The following GSDMA variants were observed in gnomAD, a reference collection of about 807,000 sequenced individuals.
GSDMA encodes the protein gasdermin A, also known as gasdermin-A.
A neutral mutation model predicts 54.3 loss-of-function variants in GSDMA; 55 were observed. The observed-to-expected ratio is 1.01, with a 90% CI of 0.82 to 1.27. GSDMA has a LOEUF of 1.27. Ranked by LOEUF, GSDMA falls within the 50% of genes most tolerant of loss-of-function variation. GSDMA has a pLI of 0.00. For synonymous variants in GSDMA, 211 were observed against 224.7 expected (o/e 0.94, Z 0.54); for missense variants, 542 against 542.6 (o/e 1.00, Z 0.01).
chr17:39,967,196 T>TA (rs1161314085), intron 3 of GSDMA, among the ~76,000 whole-genome samples: 2 of 152,224 alleles, frequency 1.3e-5, no homozygotes, highest in Non-Finnish European at 2.9e-5. Flanking sequence ...GTGAAAATTT[T>TA]AAAAACCTGT....
chr17:39,966,466 C>T (rs371854893), intron 3 of GSDMA, 29 bp downstream of exon 3: 200 of 1,560,726 alleles, frequency 1.3e-4, no homozygotes, highest in Admixed American at 7.0e-4. Flanking sequence ...GAGGGTCTCC[C>T]GGGATGTGGG....
Position 39,971,170 on chromosome 17 carries a change from T to C in GSDMA, c.559-354T>C, listed in dbSNP as rs1598305104. 2.0e-5 allele frequency among the ~76,000 whole-genome samples: 3 copies of C among 152,188 alleles called. No homozygotes were observed. In the East Asian group the frequency reaches 5.8e-4, roughly 29 times the overall value. ...CTGAAAGAGGTAAGCATGGGACAGA[T>C]GGTGAAGAGGAAGAAGGAGCCAGGG... On this transcript the variant is annotated intron_variant, in intron 4 of 11. Coordinates refer to ENST00000301659, the MANE Select transcript of GSDMA (RefSeq NM_178171.5).
At chr17:39,972,100 T>TGGGCC in intron 5 of GSDMA, 29 bp from the exon 6 acceptor site, 37 of 834,862 alleles carry the variant, frequency 4.4e-5, no homozygotes, top group East Asian at 1.0e-4. Context: ...CTAAGTGTCC[T>TGGGCC]CCCACCCTCC....
At chr17:39,971,251 G>C (rs1979924113) in intron 4 of GSDMA, among the ~76,000 whole-genome samples, 1 of 152,114 alleles carries the variant, frequency 6.6e-6, no homozygotes, top group Non-Finnish European at 1.5e-5. Flanking sequence ...GGTCTGCCCA[G>C]TTCCCTTCAT....
intron 7 of GSDMA, 32 bp from the exon 8 acceptor site, chr17:39,973,778 T>A (rs1212358235): frequency 1.3e-6 from 2 of 1,597,824 alleles, no homozygotes; most frequent in South Asian, 2.2e-5. Flanking sequence ...AAGGATTGCA[T>A]TCTTATCTTT....
intron 3 of GSDMA, among the ~76,000 whole-genome samples, chr17:39,968,337 G>GTTTTTT (rs1258985091): frequency 3.3e-5 from 2 of 59,838 alleles, no homozygotes; most frequent in African/African-American, 2.9e-4. Flanking sequence ...ACTGAGCCCG[G>GTTTTTT]TCTTTTTTTT....
In GSDMA at chr17:39,965,737, C is replaced by T; in HGVS notation, c.50C>T (p.Pro17Leu). The stretch of plus-strand genomic sequence containing the variant: ...CGGGCCCTGGCCAGACAGCTAAACC[C>T]TCGAGGGGACCTGACACCACTTGAC... Reference protein sequence around the residue: ...VTRALARQLNPRGDLTPLDSL... With the variant: ...VTRALARQLNLRGDLTPLDSL... Residue 17 changes from proline (P) to leucine (L), a missense_variant, in exon 2 of 12, where the codon CCT (proline) becomes CTT (leucine). Pro to Leu is a moderately conservative substitution (Grantham distance 98, BLOSUM62 -3). Transcript: ENST00000301659. The T allele has an allele frequency of 6.2e-7, 1 of 1,611,884 alleles. No homozygotes were observed. The highest frequency in any genetic ancestry group is 8.5e-7 in the Non-Finnish European group (1 of 1,179,060).
chr17:39,970,735 G>A lies in GSDMA; in HGVS notation c.558+88G>A, dbSNP rs556647049. On this transcript the variant is annotated intron_variant, in intron 4 of 11. Transcript: ENST00000301659. ...CATTTACATTCAGCCCCTCCTTGGA[G>A]GCTTCATTAGCTTTGCCTGATCAGC... 3.3e-5 allele frequency: 41 copies of A among 1,241,688 alleles called. No homozygotes were observed. The African/African-American group carries it at 3.7e-4, about 11-fold the overall frequency. 76.9% of individuals were successfully genotyped at this position (1,241,688 alleles called of 1,614,324 possible).
intron 7 of GSDMA, 101 bp from the exon 8 acceptor site, chr17:39,973,709 C>A: frequency 3.2e-6 from 3 of 940,114 alleles, no homozygotes; most frequent in South Asian, 3.1e-5. Flanking sequence ...AGGAGACAGG[C>A]AGGATGTATT....
chr17:39,967,188 GA>G (rs1014354830), intron 3 of GSDMA, among the ~76,000 whole-genome samples: 2 of 152,312 alleles, frequency 1.3e-5, no homozygotes, highest in Middle Eastern at 3.4e-3. Context: ...CTAGGAAGGT[GA>G]AAATTTTAAA....
In GSDMA at chr17:39,977,214, A is replaced by G. The variant is rs1387488653; in HGVS notation, c.*156A>G. The G allele has an allele frequency of 8.8e-6, 7 of 791,710 alleles. No individual in the cohort carries two copies. Among genetic ancestry groups the G allele is most frequent in the Non-Finnish European group, 1.4e-5 (7 of 491,328 alleles). 49.0% of individuals were successfully genotyped at this position (791,710 alleles called of 1,614,324 possible). A position where few individuals can be genotyped will look rare whatever the true frequency, so the allele number is the denominator to read the frequency against. On this transcript the variant is annotated 3_prime_UTR_variant, in exon 12 of 12. Coordinates refer to ENST00000301659, the MANE Select transcript of GSDMA (RefSeq NM_178171.5). ...AACCAACTTCCACCTGCCCAACCAT[A>G]TATCACCCCCTACCCCTCCAGCTCC...
rs115485926 is a variant in GSDMA at position 39,974,636 on chromosome 17, C to T, written c.906+209C>T. On this transcript the variant is annotated intron_variant, in intron 9 of 11. Transcript: ENST00000301659. ...CCTCCCTTTGTCCCCTGGAAAAGGG[C>T]AAACAGTGGGTTCCCCCAAGGCACA... Among the ~76,000 whole-genome samples, 1,072 of 152,322 alleles carry T rather than the reference C, an allele frequency of 7.0e-3. 17 individuals are homozygous for T. The highest frequency in any genetic ancestry group is 0.025 in the African/African-American group (1,037 of 41,568).
chr17:39,977,280 TA>T lies in GSDMA; in HGVS notation c.*223del. 1 of 394,426 alleles carries T rather than the reference TA, an allele frequency of 2.5e-6. No homozygotes were observed. The highest frequency in any genetic ancestry group is 4.2e-5 in the East Asian group (1 of 23,952). The allele number at this position is 394,426 out of a possible 1,614,324, so 24.4% of individuals were successfully genotyped here. A position where few individuals can be genotyped will look rare whatever the true frequency, so the allele number is the denominator to read the frequency against. On this transcript the variant is annotated 3_prime_UTR_variant, in exon 12 of 12. Coordinates refer to ENST00000301659, the MANE Select transcript of GSDMA (RefSeq NM_178171.5). ...CATCTGCTGATGCTTAAATTTTCTTTACTTTTCTTTTCTTTTTTTTTTTTTT... is the reference window on the plus strand; with the variant it reads ...CATCTGCTGATGCTTAAATTTTCTTTCTTTTCTTTTCTTTTTTTTTTTTTT...
rs60315845 is a variant in GSDMA at position 39,968,339 on chromosome 17, C to CTTTTTTT, written c.392+1922_392+1928dup. Among the ~76,000 whole-genome samples the CTTTTTTT allele has an allele frequency of 2.0e-3, 83 of 41,360 alleles. 14 individuals carry two copies. Among genetic ancestry groups the CTTTTTTT allele is most frequent in the Middle Eastern group, 0.026 (1 of 38 alleles). The allele number at this position is 41,360 out of a possible 152,430, so 27.1% of individuals were successfully genotyped here. A position where few individuals can be genotyped will look rare whatever the true frequency, so the allele number is the denominator to read the frequency against. The stretch of plus-strand genomic sequence containing the variant: ...ACAGGCGTGAGCCACTGAGCCCGGT[C>CTTTTTTT]TTTTTTTTTTTTTTTTTTTTTTTTT... On this transcript the variant is annotated intron_variant, in intron 3 of 11. Transcript: ENST00000301659.
intron 5 of GSDMA, among the ~76,000 whole-genome samples, 184 bp from the exon 6 acceptor site, chr17:39,971,945 A>G (rs1979969725): frequency 6.6e-6 from 1 of 152,204 alleles, no homozygotes; most frequent in Admixed American, 6.5e-5. Context: ...GTGTTCTCAT[A>G]GTAGAGAATT....
chr17:39,970,452 A>G (rs1979878464), intron 3 of GSDMA, 30 bp from the exon 4 acceptor site: 11 of 1,538,130 alleles, frequency 7.2e-6, no homozygotes, highest in Non-Finnish European at 9.6e-6. Flanking sequence ...AGGAGCTCTG[A>G]ACGGTTCCCT....
chr17:39,965,308 T>C (rs199751720), intron 1 of GSDMA, among the ~76,000 whole-genome samples: 1 of 42,592 alleles, frequency 2.3e-5, no homozygotes, highest in Non-Finnish European at 5.4e-5. Context: ...GAAAGAGAAA[T>C]AAATAAAGAA....
intron 1 of GSDMA, among the ~76,000 whole-genome samples, chr17:39,964,148 G>C (rs528277779): frequency 6.6e-6 from 1 of 152,328 alleles, no homozygotes; most frequent in Admixed American, 6.5e-5. Context: ...GTCACCAGCT[G>C]CCTGGAGGAC....
chr17:39,974,960 C>T lies in GSDMA; in HGVS notation c.967C>T (p.Leu323=). ...CCTGGAGGCACTCCCAAAAGATGTCCTGCTATCAAAGGAGGCCGTGGGCGC... is the reference window on the plus strand; with the variant it reads ...CCTGGAGGCACTCCCAAAAGATGTCTTGCTATCAAAGGAGGCCGTGGGCGC... The part of the protein sequence containing the change: ...VTLEALPKDV[L]LSKEAVGAIL... The change falls in exon 10 of 12, where the codon CTG becomes TTG. Residue 323 remains leucine, a synonymous_variant. Coordinates refer to ENST00000301659, the MANE Select transcript of GSDMA (RefSeq NM_178171.5). 3 of 1,613,194 alleles carry T rather than the reference C, an allele frequency of 1.9e-6. No homozygotes were observed. Among genetic ancestry groups the T allele is most frequent in the Non-Finnish European group, 1.7e-6 (2 of 1,179,576 alleles).
Sources: gnomAD v4.1 joint callset for allele counts (sites outside exome capture counted in the v4.1 genomes callset) on GRCh38, gnomAD v4.1.1 for gene constraint, MANE v1.5 for transcripts, NCBI Gene and HGNC (gene_info 2026-07-23, HGNC 2026-07-21) for gene names.